CILK1: variants seen among roughly 807,000 people sequenced by gnomAD.
CILK1 encodes serine/threonine-protein kinase ICK.
Under a neutral mutation model 79.2 loss-of-function variants are expected in CILK1, and 47 were observed. The ratio of observed to expected loss-of-function variants is 0.59; its 90% CI spans 0.47 to 0.76. The LOEUF (loss-of-function observed/expected upper bound fraction) is 0.76. Among genes scored for constraint, CILK1 ranks in the 30% least tolerant of loss-of-function variants. CILK1 has a pLI of 0.00. For synonymous variants in CILK1, 266 were observed against 275.9 expected (o/e 0.96, Z 0.36); for missense variants, 660 against 769.5 (o/e 0.86, Z 1.68).
In CILK1 at chr6:53,009,519, A is replaced by C; in HGVS notation, c.1541T>G (p.Ile514Ser). ...AGAACTAGACCATGGATTAGGTGGA[A>C]TAAATTCCTTGCCTGGATTCGAGAG... ...GILSNPGKEF[I>S]PPNPWSSSGL... Residue 514 changes from isoleucine to serine, a missense_variant, in exon 12 of 14, where the codon ATT (isoleucine) becomes AGT (serine). Ile to Ser is a moderately radical substitution (Grantham distance 142). Transcript: ENST00000676107. 6.2e-7 allele frequency: 1 copy of C among 1,612,000 alleles called. No homozygotes were observed. The highest frequency in any genetic ancestry group is 8.5e-7 in the Non-Finnish European group (1 of 1,178,004).
chr6:53,032,606 T>A lies in CILK1; in HGVS notation c.205A>T (p.Ile69Phe). The A allele has an allele frequency of 6.2e-7, 1 of 1,606,524 alleles. No homozygotes were observed. The highest frequency in any genetic ancestry group is 8.5e-7 in the Non-Finnish European group (1 of 1,174,342). The change falls in exon 4 of 14, where the codon ATC becomes TTC. Residue 69 changes from isoleucine to phenylalanine, a missense_variant. Physicochemically the swap from Ile to Phe is conservative, Grantham distance 21. Transcript: ENST00000676107. ...HANVVKLKEVIRENDHLYFIF... is the reference protein window; with the variant it reads ...HANVVKLKEVFRENDHLYFIF... ...AAATAAAGATGATCATTTTCCCTGATAACTTCTTTTAATTTGACTACATTG... is the reference window on the plus strand; with the variant it reads ...AAATAAAGATGATCATTTTCCCTGAAAACTTCTTTTAATTTGACTACATTG...
At chr6:53,019,092 CTATAAA>C (rs1373909621) in intron 6 of CILK1, 129 bp downstream of exon 6, 6 of 801,308 alleles carry the variant, frequency 7.5e-6, no homozygotes, top group African/African-American at 1.7e-5. Flanking sequence ...ACCAACATAT[CTATAAA>C]TATATGTTTC....
intron 2 of CILK1, among the ~76,000 whole-genome samples, chr6:53,038,375 T>C (rs961447833): frequency 3.3e-5 from 5 of 152,206 alleles, no homozygotes; most frequent in African/African-American, 1.2e-4. Flanking sequence ...ACTAGACACA[T>C]GTGGCTACCG....
At position 53,011,825 on chromosome 6, in the gene CILK1, G is replaced by T; in HGVS notation, c.1436C>A (p.Pro479His). The change falls in exon 11 of 14, where the codon CCC becomes CAC. Residue 479 changes from proline (P) to histidine (H), a missense_variant. Coordinates refer to ENST00000676107, the MANE Select transcript of CILK1 (RefSeq NM_014920.5). ...CTGCTTGGCTGCAGATCTCAGGGTG[G>T]GCGTGTCTCGCCGCTGATATGACGT... Reference protein sequence around the residue: ...TQTSYQRRDTPTLRSAAKQHY... With the variant: ...TQTSYQRRDTHTLRSAAKQHY... The T allele has an allele frequency of 6.2e-7, 1 of 1,614,106 alleles. No homozygotes were observed. The highest frequency in any genetic ancestry group is 8.5e-7 in the Non-Finnish European group (1 of 1,179,996).
At chr6:53,037,193 G>A (rs1766397613) in intron 3 of CILK1, among the ~76,000 whole-genome samples, 1 of 152,126 alleles carries the variant, frequency 6.6e-6, no homozygotes, top group Admixed American at 6.5e-5. Context: ...AGAGAATTAT[G>A]CATGTAAAAC....
At chr6:53,039,071 C>T (rs1766537673) in intron 2 of CILK1, among the ~76,000 whole-genome samples, 2 of 152,228 alleles carry the variant, frequency 1.3e-5, no homozygotes, top group South Asian at 4.1e-4. Context: ...TCACTCTGTC[C>T]TTGTCACACT....
In CILK1 at chr6:53,013,859, G is replaced by C. The variant is rs1168680229; in HGVS notation, c.955C>G (p.Pro319Ala). 2 of 1,613,954 alleles carry C rather than the reference G, an allele frequency of 1.2e-6. No homozygotes were observed. The highest frequency in any genetic ancestry group is 1.3e-5 in the African/African-American group (1 of 74,900). Reference protein sequence around the residue: ...EKAGPPPYIKPVPPAQPPAKP... With the variant: ...EKAGPPPYIKAVPPAQPPAKP... ...GCTGGTGGCTGGGCAGGTGGGACTGGCTTAATATAAGGAGGTGGGCCTGCC... is the reference window on the plus strand; with the variant it reads ...GCTGGTGGCTGGGCAGGTGGGACTGCCTTAATATAAGGAGGTGGGCCTGCC... Residue 319 changes from proline to alanine, a missense_variant, in exon 9 of 14, where the codon CCA becomes GCA. Pro to Ala is a conservative substitution (Grantham distance 27). Transcript: ENST00000676107.
At chr6:53,053,102 T>C (rs1355055694) in intron 1 of CILK1, among the ~76,000 whole-genome samples, 3 of 148,300 alleles carry the variant, frequency 2.0e-5, no homozygotes, top group African/African-American at 2.5e-5. Context: ...AGAAGAAAAA[T>C]TGTTCTTTTT....
Position 53,004,021 on chromosome 6 carries a change from TA to T in CILK1, c.*1127del, listed in dbSNP as rs1764076343. On this transcript the variant is annotated 3_prime_UTR_variant, in exon 14 of 14. Coordinates refer to ENST00000676107, the MANE Select transcript of CILK1 (RefSeq NM_014920.5). ...AATGGAACAGCCTCTGCCCAACAAA[TA>T]AAGTTCTCACTCTTGAAAGAAACTA... 1 of 152,646 alleles carries T rather than the reference TA, an allele frequency of 6.6e-6. No homozygotes were observed. The highest frequency in any genetic ancestry group is 2.4e-5 in the African/African-American group (1 of 41,444). 9.5% of individuals were successfully genotyped at this position (152,646 alleles called of 1,614,324 possible).
intron 5 of CILK1, among the ~76,000 whole-genome samples, chr6:53,029,197 C>T (rs907935704): frequency 6.6e-6 from 1 of 152,066 alleles, no homozygotes; most frequent in African/African-American, 2.4e-5. Flanking sequence ...TTTGAGAATC[C>T]CATTGAATTC....
intron 3 of CILK1, among the ~76,000 whole-genome samples, chr6:53,035,578 T>C (rs1018594551): frequency 2.0e-5 from 3 of 151,942 alleles, no homozygotes; most frequent in African/African-American, 4.8e-5. Flanking sequence ...GCCATGGCCG[T>C]GAGGTGCAGA....
intron 5 of CILK1, among the ~76,000 whole-genome samples, chr6:53,021,740 T>TA (rs1463404446): frequency 6.6e-6 from 1 of 151,680 alleles, no homozygotes; most frequent in Admixed American, 6.6e-5. Flanking sequence ...CCTTATCTAG[T>TA]ATTCACTATA....
intron 3 of CILK1, among the ~76,000 whole-genome samples, chr6:53,037,670 A>G (rs1036575188): frequency 2.6e-5 from 4 of 152,238 alleles, no homozygotes; most frequent in Non-Finnish European, 4.4e-5. Context: ...TTAAGAAAAT[A>G]GGCAATAATA....
Position 53,011,890 on chromosome 6 carries a change from G to T in CILK1, c.1371C>A (p.Pro457=). 6.2e-7 allele frequency: 1 copy of T among 1,614,164 alleles called. No individual in the cohort carries two copies. The highest frequency in any genetic ancestry group is 8.5e-7 in the Non-Finnish European group (1 of 1,180,028). ...CRFESVLDLK[P]SEPVGTGNSA... ...TGTTTCCTGTGCCCACAGGCTCAGA[G>T]GGCTTCAGGTCCAAAACACTCTCAA... The change falls in exon 11 of 14, where the codon CCC becomes CCA. Residue 457 remains proline (P), a synonymous_variant. Transcript: ENST00000676107.
At chr6:53,046,815 C>T (rs1055359131) in intron 1 of CILK1, among the ~76,000 whole-genome samples, 1 of 152,164 alleles carries the variant, frequency 6.6e-6, no homozygotes, top group Non-Finnish European at 1.5e-5. Flanking sequence ...AATGTAGAAA[C>T]TGCTATGAGA....
chr6:53,019,390 A>T, intron 5 of CILK1, 31 bp from the exon 6 acceptor site: 1 of 1,613,214 alleles, frequency 6.2e-7, no homozygotes, highest in Non-Finnish European at 8.5e-7. Flanking sequence ...AAGAAATCCA[A>T]ATGCAAGTTT....
chr6:53,039,599 A>G (rs1766571286), intron 2 of CILK1, among the ~76,000 whole-genome samples: 1 of 152,220 alleles, frequency 6.6e-6, no homozygotes, highest in African/African-American at 2.4e-5. Flanking sequence ...GCTGGACAGA[A>G]TGCACCTTGG....
chr6:53,022,929 T>A (rs1056604677), intron 5 of CILK1, among the ~76,000 whole-genome samples: 1 of 147,276 alleles, frequency 6.8e-6, no homozygotes, highest in East Asian at 1.9e-4. Context: ...ACTTCAGGTA[T>A]GTTAACCATT....
At position 53,005,035 on chromosome 6, in the gene CILK1, TAA is replaced by T; in HGVS notation, c.*112_*113del. The T allele has an allele frequency of 8.4e-7, 1 of 1,190,936 alleles. No homozygotes were observed. The highest frequency in any genetic ancestry group is 1.2e-5 in the South Asian group (1 of 81,926). 73.8% of individuals were successfully genotyped at this position (1,190,936 alleles called of 1,614,324 possible). On this transcript the variant is annotated 3_prime_UTR_variant, in exon 14 of 14. Transcript: ENST00000676107. Reference sequence around the variant, plus strand: ...ATGTCTTAGTTCAGAAGAATAACTATAAAGTGTTGATTTGCTTTTATGCCCTC... The same window carrying T: ...ATGTCTTAGTTCAGAAGAATAACTATAGTGTTGATTTGCTTTTATGCCCTC...
Sources: allele counts gnomAD v4.1 joint callset (sites outside exome capture counted in the v4.1 genomes callset), GRCh38; gene constraint gnomAD v4.1.1; transcripts MANE v1.5; gene names NCBI Gene and HGNC (gene_info 2026-07-23, HGNC 2026-07-21).